SORL1: variants seen among roughly 807,000 people sequenced by gnomAD.
SORL1 encodes sortilin-related receptor.
A neutral mutation model predicts 273.7 loss-of-function variants in SORL1; 127 were observed. The observed-to-expected ratio is 0.46, with a 90% CI of 0.40 to 0.54. SORL1 has a LOEUF of 0.54. Among genes scored for constraint, SORL1 ranks in the 20% least tolerant of loss-of-function variants. The pLI is 0.00. For missense variants in SORL1, 2,494 were observed against 2,846.1 expected (o/e 0.88, Z 2.81); for synonymous variants, 1,031 against 1,067.4 (o/e 0.97, Z 0.66).
Position 121,452,728 on chromosome 11 carries a change from T to C in SORL1, c.285+112T>C. 1 of 955,644 alleles carries C rather than the reference T, an allele frequency of 1.0e-6. No individual in the cohort carries two copies. Among genetic ancestry groups the C allele is most frequent in the Non-Finnish European group, 1.4e-6 (1 of 698,014 alleles). 59.2% of individuals were successfully genotyped at this position (955,644 alleles called of 1,614,324 possible). On this transcript the variant is annotated intron_variant, in intron 1 of 47. Transcript: ENST00000260197. The surrounding 1 kb of genome is among the most constrained non-coding windows in gnomAD (Gnocchi z 5.3). ...CTAGGTGCAGGCACCACTGGGGACT[T>C]CCCGGCTTGCATTTGTTTTTTTCCT...
intron 5 of SORL1, among the ~76,000 whole-genome samples, chr11:121,494,244 G>A (rs1315424871): frequency 6.6e-6 from 1 of 152,158 alleles, no homozygotes; most frequent in Non-Finnish European, 1.5e-5. Context: ...TTATCTCATT[G>A]AAGCTAATGA....
chr11:121,488,109 C>A lies in SORL1; in HGVS notation c.606C>A (p.Ile202=), dbSNP rs143411482. 24 of 1,614,026 alleles carry A rather than the reference C, an allele frequency of 1.5e-5. No individual in the cohort carries two copies. The highest frequency in any genetic ancestry group is 1.9e-5 in the Non-Finnish European group (22 of 1,180,036). Residue 202 remains isoleucine (I), a synonymous_variant, in exon 4 of 48, where the codon ATC becomes ATA. Coordinates refer to ENST00000260197, the MANE Select transcript of SORL1 (RefSeq NM_003105.6). The part of the protein sequence containing the change: ...DFCNTLQGFS[I]PFRAADLLLH... ...GCAACACTCTTCAAGGCTTTTCCAT[C>A]CCATTTCGGGCAGCTGATCTCCTCC...
At chr11:121,623,856 G>A (rs1034802021) in intron 45 of SORL1, among the ~76,000 whole-genome samples, 4 of 152,180 alleles carry the variant, frequency 2.6e-5, no homozygotes, top group South Asian at 2.1e-4. Flanking sequence ...GTATTAGTCC[G>A]TTTCCACAGT....
chr11:121,585,057 A>G (rs1863073837), intron 26 of SORL1, among the ~76,000 whole-genome samples: 1 of 152,268 alleles, frequency 6.6e-6, no homozygotes, highest in Non-Finnish European at 1.5e-5. Flanking sequence ...ACTTTCTCCA[A>G]AACAACTTTG....
In SORL1 at chr11:121,459,516, G is replaced by T. The variant is rs1344869000; in HGVS notation, c.285+6900G>T. Among the ~76,000 whole-genome samples the T allele has an allele frequency of 6.0e-4, 91 of 152,338 alleles. 1 individual carries two copies. The highest frequency in any genetic ancestry group is 1.3e-4 in the Non-Finnish European group (9 of 68,036). ...GGACCGTGGAGGGCCAAGTGGGTCCGGTGGTTGGCTCTAGGGCATGCCTCT... is the reference window on the plus strand; with the variant it reads ...GGACCGTGGAGGGCCAAGTGGGTCCTGTGGTTGGCTCTAGGGCATGCCTCT... On this transcript the variant is annotated intron_variant, in intron 1 of 47. Coordinates refer to ENST00000260197, the MANE Select transcript of SORL1 (RefSeq NM_003105.6).
chr11:121,620,065 C>A, intron 43 of SORL1, 148 bp downstream of exon 43: 2 of 667,214 alleles, frequency 3.0e-6, no homozygotes, highest in Non-Finnish European at 5.4e-6. Flanking sequence ...TCAGTCTGAC[C>A]AAAGATGGGG....
chr11:121,496,748 A>G (rs1861635006), intron 5 of SORL1, 121 bp from the exon 6 acceptor site: 2 of 742,862 alleles, frequency 2.7e-6, no homozygotes, highest in Non-Finnish European at 4.3e-6. Flanking sequence ...CACAGAGAGT[A>G]TGATCTGTGG....
In SORL1 at chr11:121,596,046, T is replaced by C. The variant is rs145766678; in HGVS notation, c.4519+274T>C. Among the ~76,000 whole-genome samples the C allele has an allele frequency of 6.6e-6, 1 of 152,234 alleles. No homozygotes were observed. The highest frequency in any genetic ancestry group is 1.5e-5 in the Non-Finnish European group (1 of 68,040). On this transcript the variant is annotated intron_variant, in intron 32 of 47. Transcript: ENST00000260197. This position sits in a 1 kb window ranked among gnomAD's most constrained non-coding sequence, Gnocchi z 4.3. Reference sequence around the variant, plus strand: ...GAATGACTAAGATAAATATTTTAAATAGGTTTCATAAGCATGTTTAACTCT... The same window carrying C: ...GAATGACTAAGATAAATATTTTAAACAGGTTTCATAAGCATGTTTAACTCT...
At chr11:121,528,881 A>G (rs1255013903) in intron 11 of SORL1, among the ~76,000 whole-genome samples, 1 of 152,168 alleles carries the variant, frequency 6.6e-6, no homozygotes, top group African/African-American at 2.4e-5. Context: ...ATTTATATGA[A>G]GGTGGTTGAT....
intron 39 of SORL1, 105 bp downstream of exon 39, chr11:121,611,263 A>G (rs1181149958): frequency 5.2e-6 from 4 of 763,670 alleles, no homozygotes; most frequent in East Asian, 5.2e-5. Flanking sequence ...AACAAAAAAC[A>G]AAAAAAACGA....
At chr11:121,545,170 C>A in intron 13 of SORL1, 73 bp from the exon 14 acceptor site, 1 of 1,419,940 alleles carries the variant, frequency 7.0e-7, no homozygotes, top group Non-Finnish European at 9.8e-7. Flanking sequence ...TGAGGCCAGG[C>A]ACCTTGAGGC....
chr11:121,562,457 A>G (rs574470269), intron 21 of SORL1, among the ~76,000 whole-genome samples: 2 of 152,314 alleles, frequency 1.3e-5, no homozygotes, highest in Admixed American at 6.5e-5. Context: ...TAAGATTTAA[A>G]TTGCTTGCTG....
At chr11:121,463,695 G>C (rs1229948901) in intron 1 of SORL1, among the ~76,000 whole-genome samples, 1 of 152,190 alleles carries the variant, frequency 6.6e-6, no homozygotes, top group Admixed American at 6.5e-5. Flanking sequence ...GAGTTCTGTA[G>C]GTGAAGCATC....
intron 29 of SORL1, 96 bp downstream of exon 29, chr11:121,589,486 T>C: frequency 6.7e-7 from 1 of 1,482,724 alleles, no homozygotes; most frequent in Admixed American, 1.7e-5. Flanking sequence ...CACTGCAGAC[T>C]TGGCCTTCCC....
chr11:121,586,715 G>A (rs1386401801), intron 27 of SORL1, among the ~76,000 whole-genome samples: 1 of 125,936 alleles, frequency 7.9e-6, no homozygotes, highest in Non-Finnish European at 1.7e-5. Flanking sequence ...CGGGGGGGGG[G>A]CATTTTTAGG....
At chr11:121,607,128 T>C (rs961843383) in intron 36 of SORL1, 58 bp from the exon 37 acceptor site, 19 of 1,180,004 alleles carry the variant, frequency 1.6e-5, no homozygotes, top group African/African-American at 3.0e-5. Context: ...TTGCAAGATA[T>C]TAGGATGCCC....
In SORL1 at chr11:121,629,487, T is replaced by C. The variant is rs745687388; in HGVS notation, c.6578-9T>C. On this transcript the variant is annotated splice_polypyrimidine_tract_variant and intron_variant, in intron 47 of 47. Transcript: ENST00000260197. Reference sequence around the variant, plus strand: ...GGAACTCACCAAGGCCTGACTGTTTTGTCTCTAGGGGAAGATGATGAAGAT... The same window carrying C: ...GGAACTCACCAAGGCCTGACTGTTTCGTCTCTAGGGGAAGATGATGAAGAT... 2 of 1,512,462 alleles carry C rather than the reference T, an allele frequency of 1.3e-6. No homozygotes were observed. The highest frequency in any genetic ancestry group is 2.2e-5 in the South Asian group (2 of 89,062). The allele number at this position is 1,512,462 out of a possible 1,614,324, so 93.7% of individuals were successfully genotyped here. A position where few individuals can be genotyped will look rare whatever the true frequency, so the allele number is the denominator to read the frequency against.
chr11:121,584,001 A>G (rs928874710), intron 26 of SORL1, among the ~76,000 whole-genome samples: 1 of 152,224 alleles, frequency 6.6e-6, no homozygotes, highest in African/African-American at 2.4e-5. Context: ...AAGCATTTTC[A>G]TGGAGGATGC....
intron 5 of SORL1, among the ~76,000 whole-genome samples, chr11:121,491,794 A>G (rs1861557992): frequency 6.6e-6 from 1 of 152,132 alleles, no homozygotes; most frequent in Admixed American, 6.5e-5. Flanking sequence ...ATTAATTCTC[A>G]GCATGTGGTC....
Sources: allele counts gnomAD v4.1 joint callset (sites outside exome capture counted in the v4.1 genomes callset), GRCh38; gene constraint gnomAD v4.1.1; non-coding constraint Gnocchi (gnomAD v3.1); transcripts MANE v1.5; gene names NCBI Gene and HGNC (gene_info 2026-07-23, HGNC 2026-07-21).